Variants in FSTL5 observed in about 807,000 individuals in gnomAD.
The protein encoded by FSTL5 is follistatin-related protein 5.
FSTL5 carries 62 observed loss-of-function variants against 89.1 expected under a neutral mutation model. The observed-to-expected ratio is 0.70, with a 90% confidence interval of 0.57 to 0.86. The LOEUF (loss-of-function observed/expected upper bound fraction) is 0.86. FSTL5 is among the 40% of genes least tolerant of loss of function. The pLI is 0.00. For missense variants in FSTL5, 1,057 were observed against 1,001.6 expected (o/e 1.06, Z -0.75); for synonymous variants, 383 against 346.2 (o/e 1.11, Z -1.18).
intron 4 of FSTL5, among the ~76,000 whole-genome samples, chr4:161,829,520 A>C (rs935995451): frequency 7.2e-5 from 11 of 152,126 alleles, no homozygotes; most frequent in African/African-American, 2.6e-4. Context: ...TCAAATTTAT[A>C]ATCATTTCAC....
chr4:161,915,050 G>A (rs1733800236), intron 4 of FSTL5, among the ~76,000 whole-genome samples: 1 of 152,140 alleles, frequency 6.6e-6, no homozygotes, highest in Non-Finnish European at 1.5e-5. Context: ...GAACAAACAT[G>A]CACTAGATGG....
At position 161,747,640 on chromosome 4, in the gene FSTL5, T is replaced by G. The variant is rs556926462; in HGVS notation, c.727+11771A>C. On this transcript the variant is annotated intron_variant, in intron 6 of 15. Transcript: ENST00000306100. ...TATGGTGGGGGCAACAACTAGGGTC[T>G]GTTTACCTTACTTGAATGATTAGTA... 2.6e-5 allele frequency among the ~76,000 whole-genome samples: 4 copies of G among 152,334 alleles called. No individual in the cohort carries two copies. In the East Asian group the frequency reaches 7.7e-4, roughly 29 times the overall value.
intron 7 of FSTL5, among the ~76,000 whole-genome samples, chr4:161,622,632 T>A (rs879772487): frequency 1.3e-5 from 2 of 152,080 alleles, no homozygotes; most frequent in Non-Finnish European, 2.9e-5. Flanking sequence ...AACTGTACAA[T>A]TTAATCTTCT....
intron 4 of FSTL5, among the ~76,000 whole-genome samples, chr4:161,803,497 A>T (rs1283750523): frequency 1.3e-5 from 2 of 151,992 alleles, no homozygotes; most frequent in Non-Finnish European, 2.9e-5. Flanking sequence ...ATATGTAAAG[A>T]TAGTGACCAA....
chr4:162,158,108 A>G (rs914602931), intron 1 of FSTL5, among the ~76,000 whole-genome samples: 5 of 152,218 alleles, frequency 3.3e-5, no homozygotes, highest in Non-Finnish European at 1.5e-5. Flanking sequence ...AGTAATCTGA[A>G]GGATTACGTA....
At chr4:162,022,483 T>C (rs191933463) in intron 3 of FSTL5, among the ~76,000 whole-genome samples, 17 of 152,184 alleles carry the variant, frequency 1.1e-4, no homozygotes, top group Admixed American at 9.8e-4. Flanking sequence ...CATGAAAGGA[T>C]AGCAATTTGT....
chr4:161,445,425 A>G (rs1560898635), intron 15 of FSTL5, among the ~76,000 whole-genome samples: 1 of 152,050 alleles, frequency 6.6e-6, no homozygotes, highest in Middle Eastern at 3.6e-3. Flanking sequence ...TAAAAAATGA[A>G]TTTTTTAATC....
rs532948536 is a variant in FSTL5, at chr4:162,065,520, T to C, written c.127-31862A>G. On this transcript the variant is annotated intron_variant, in intron 2 of 15. Coordinates refer to ENST00000306100, the MANE Select transcript of FSTL5 (RefSeq NM_020116.5). ...CCAAAATGAGATATCACCTAGTACA[T>C]GCGAGCATAGCTATTATCAAAAAGA... Among the ~76,000 whole-genome samples, 10 of 152,046 alleles carry C rather than the reference T, an allele frequency of 6.6e-5. No individual in the cohort carries two copies. The East Asian group carries it at 1.7e-3, about 27-fold the overall frequency.
intron 3 of FSTL5, among the ~76,000 whole-genome samples, chr4:161,922,712 A>T (rs1010922239): frequency 6.6e-6 from 1 of 152,008 alleles, no homozygotes; most frequent in Non-Finnish European, 1.5e-5. Context: ...CTAGGTGAAT[A>T]ATTTTAAAAT....
At chr4:162,153,658 TATAATATATGTATATTATATATGTATATA>T (rs1733322443) in intron 1 of FSTL5, among the ~76,000 whole-genome samples, 1 of 122,532 alleles carries the variant, frequency 8.2e-6, no homozygotes, top group African/African-American at 3.0e-5. Context: ...TATATATGTA[TATAATATATGTATATTATATATGTATATA>T]ATAATATATA....
intron 7 of FSTL5, among the ~76,000 whole-genome samples, chr4:161,607,114 C>T (rs1734474697): frequency 6.6e-6 from 1 of 151,996 alleles, no homozygotes; most frequent in South Asian, 2.1e-4. Context: ...AGTGCGCTAA[C>T]CCACAAGTTA....
At chr4:161,484,132 T>C (rs1729602987) in intron 12 of FSTL5, among the ~76,000 whole-genome samples, 1 of 152,166 alleles carries the variant, frequency 6.6e-6, no homozygotes, top group African/African-American at 2.4e-5. Flanking sequence ...AACAGAATCA[T>C]ATATACACTT....
intron 15 of FSTL5, among the ~76,000 whole-genome samples, chr4:161,399,617 G>T (rs970391887): frequency 1.3e-5 from 2 of 151,902 alleles, no homozygotes; most frequent in African/African-American, 2.4e-5. Flanking sequence ...ACATCACTTA[G>T]TGGTACTTTG....
intron 4 of FSTL5, among the ~76,000 whole-genome samples, chr4:161,831,414 T>A (rs1730840726): frequency 6.6e-6 from 1 of 151,936 alleles, no homozygotes; most frequent in South Asian, 2.1e-4. Context: ...ATTGACATTT[T>A]CATCACCTGA....
chr4:161,547,497 G>C (rs1462274232), intron 8 of FSTL5, among the ~76,000 whole-genome samples: 1 of 151,818 alleles, frequency 6.6e-6, no homozygotes, highest in Non-Finnish European at 1.5e-5. Context: ...GGCATTAGAA[G>C]AAAGAATAAT....
At chr4:161,660,647 C>A (rs115945334) in intron 6 of FSTL5, among the ~76,000 whole-genome samples, 2,172 of 152,060 alleles carry the variant, frequency 0.014, 55 homozygotes, top group African/African-American at 0.05. Flanking sequence ...CTAATAGGCT[C>A]CAGTGTGTGT....
intron 10 of FSTL5, among the ~76,000 whole-genome samples, chr4:161,521,203 T>C (rs972901566): frequency 6.6e-6 from 1 of 152,202 alleles, no homozygotes; most frequent in Non-Finnish European, 1.5e-5. Context: ...TTTAGTATAA[T>C]TTACCTATCT....
intron 8 of FSTL5, among the ~76,000 whole-genome samples, chr4:161,570,276 G>T (rs1019560791): frequency 6.6e-6 from 1 of 152,024 alleles, no homozygotes; most frequent in East Asian, 1.9e-4. Context: ...TTGAAAATGT[G>T]ACATTTAAGC....
In FSTL5 at chr4:161,589,992, C is replaced by T. The variant is rs933867783; in HGVS notation, c.895-2417G>A. ...ACCTCAACAAAGCCTGGGAGACTTA[C>T]TGATGCAAGGCATTTAATTAAATCC... On this transcript the variant is annotated intron_variant, in intron 7 of 15. Coordinates refer to ENST00000306100, the MANE Select transcript of FSTL5 (RefSeq NM_020116.5). 4.6e-5 allele frequency among the ~76,000 whole-genome samples: 7 copies of T among 152,088 alleles called. 1 individual carries two copies. Among genetic ancestry groups the T allele is most frequent in the African/African-American group, 1.4e-4 (6 of 41,430 alleles).
Sources: allele counts gnomAD v4.1 joint callset (sites outside exome capture counted in the v4.1 genomes callset), GRCh38; gene constraint gnomAD v4.1.1; transcripts MANE v1.5; gene names NCBI Gene and HGNC (gene_info 2026-07-23, HGNC 2026-07-21).